The following GJB5 variants were observed in gnomAD, a reference collection of about 807,000 sequenced individuals.
The protein encoded by GJB5 is gap junction beta-5 protein.
For missense variants in GJB5, 333 were observed against 357.9 expected, an observed-to-expected ratio of 0.93 and a Z score of 0.56; for synonymous variants, 146 against 145.5, an observed-to-expected ratio of 1.00 and a Z score of -0.02.
chr1:34,757,187 A>T, intron 1 of GJB5, 120 bp from the exon 2 acceptor site: 1 of 629,990 alleles, frequency 1.6e-6, no homozygotes, highest in East Asian at 2.7e-5. Context: ...AAATGGGGAC[A>T]GTAGTAGAAC....
intron 1 of GJB5, among the ~76,000 whole-genome samples, chr1:34,755,713 T>C (rs1380628458): frequency 6.6e-6 from 1 of 152,160 alleles, no homozygotes. Context: ...AGAATCCGTC[T>C]GCACACAAAC....
At position 34,757,598 on chromosome 1, in the gene GJB5, C is replaced by G. The variant is rs139392376; in HGVS notation, c.268C>G (p.Leu90Val). 3 of 1,614,064 alleles carry G rather than the reference C, an allele frequency of 1.9e-6. No individual in the cohort carries two copies. In the African/African-American group the frequency reaches 4.0e-5, roughly 22 times the overall value. ...TATCCTGGTGACATGCCCCTCACTG[C>G]TCGTGGTCATGCACGTGGCCTACCG... ...QLILVTCPSL[L>V]VVMHVAYREV... Residue 90 changes from leucine to valine, a missense_variant, in exon 2 of 2, where the codon CTC becomes GTC. By Grantham distance (32) the Leu-to-Val change is conservative. Transcript: ENST00000338513.
Position 34,758,070 on chromosome 1 carries a change from A to G in GJB5, c.740A>G (p.Asp247Gly). The change falls in exon 2 of 2, where the codon GAC (aspartate) becomes GGC (glycine). Residue 247 changes from aspartate to glycine, a missense_variant. Coordinates refer to ENST00000338513, the MANE Select transcript of GJB5 (RefSeq NM_005268.4). Reference sequence around the variant, plus strand: ...AAACAAGACGACCTCCTTTCGGGTGACCTCATCTTTCTGGGCTCAGACAGT... The same window carrying G: ...AAACAAGACGACCTCCTTTCGGGTGGCCTCATCTTTCTGGGCTCAGACAGT... Reference protein sequence around the residue: ...SCKQDDLLSGDLIFLGSDSHP... With the variant: ...SCKQDDLLSGGLIFLGSDSHP... 3.1e-6 allele frequency: 5 copies of G among 1,613,604 alleles called. No individual in the cohort carries two copies. The highest frequency in any genetic ancestry group is 4.2e-6 in the Non-Finnish European group (5 of 1,179,878).
chr1:34,758,126 GACCATGTGAAGAAA>G lies in GJB5; in HGVS notation c.802_815del (p.Val268LeufsTer27). 6.2e-7 allele frequency: 1 copy of G among 1,613,938 alleles called. No individual in the cohort carries two copies. The highest frequency in any genetic ancestry group is 8.5e-7 in the Non-Finnish European group (1 of 1,179,910). ...TCCTCTCTTACCAGACCGCCCCCGA[GACCATGTGAAGAAA>G]ACCATCTTGTGAGGGGCTGCCTGGA... is the stretch of plus-strand genomic sequence containing the variant. On this transcript the variant is annotated frameshift_variant, in exon 2 of 2. Coordinates refer to ENST00000338513, the MANE Select transcript of GJB5 (RefSeq NM_005268.4). LOFTEE classifies it high-confidence loss of function.
Position 34,758,028 on chromosome 1 carries a change from G to A in GJB5, c.698G>A (p.Gly233Asp). Residue 233 changes from glycine (G) to aspartate (D), a missense_variant, in exon 2 of 2, where the codon GGT becomes GAT. Gly to Asp is a moderately conservative substitution (Grantham distance 94). Transcript: ENST00000338513. ...QAMCTGHHPH[G>D]TTSSCKQDDL... is the part of the protein sequence containing the mutation. The stretch of plus-strand genomic sequence containing the variant: ...ATGTGCACAGGTCATCACCCCCACG[G>A]TACCACCTCTTCCTGCAAACAAGAC... The A allele has an allele frequency of 6.2e-7, 1 of 1,613,924 alleles. No homozygotes were observed. The highest frequency in any genetic ancestry group is 8.5e-7 in the Non-Finnish European group (1 of 1,179,986).
At position 34,757,747 on chromosome 1, in the gene GJB5, G is replaced by A. The variant is rs536207025; in HGVS notation, c.417G>A (p.Ala139=). The A allele has an allele frequency of 5.0e-5, 81 of 1,613,940 alleles. No homozygotes were observed. The highest frequency in any genetic ancestry group is 3.6e-4 in the South Asian group (33 of 91,080). The part of the protein sequence containing the change: ...WTYVCSLVFK[A]SVDIAFLYVF... ...ATGTCTGCAGCCTAGTGTTCAAGGCGAGCGTGGACATCGCCTTTCTCTATG... is the reference window on the plus strand; with the variant it reads ...ATGTCTGCAGCCTAGTGTTCAAGGCAAGCGTGGACATCGCCTTTCTCTATG... Residue 139 remains alanine (A), a synonymous_variant, in exon 2 of 2, where the codon GCG becomes GCA. Coordinates refer to ENST00000338513, the MANE Select transcript of GJB5 (RefSeq NM_005268.4).
chr1:34,757,324 G>C lies in GJB5; in HGVS notation c.-7G>C, dbSNP rs1557649923. On this transcript the variant is annotated 5_prime_UTR_variant, in exon 2 of 2. Transcript: ENST00000338513. ...CCCTGCAGTAGCAGCTGACGCGTGG[G>C]TCCACCATGAACTGGAGTATCTTTG... is the stretch of plus-strand genomic sequence containing the variant. 6.3e-7 allele frequency: 1 copy of C among 1,596,434 alleles called. No individual in the cohort carries two copies. The highest frequency in any genetic ancestry group is 1.1e-5 in the South Asian group (1 of 90,640).
Position 34,757,657 on chromosome 1 carries a change from T to C in GJB5, c.327T>C (p.His109=), listed in dbSNP as rs1639618276. ...EVQEKRHREA[H]GENSGRLYLN... Reference sequence around the variant, plus strand: ...AGGAGAAGAGGCACCGAGAAGCCCATGGGGAGAACAGTGGGCGCCTCTACC... The same window carrying C: ...AGGAGAAGAGGCACCGAGAAGCCCACGGGGAGAACAGTGGGCGCCTCTACC... Residue 109 remains histidine, a synonymous_variant, in exon 2 of 2, where the codon CAT becomes CAC. Transcript: ENST00000338513. The C allele has an allele frequency of 1.2e-6, 2 of 1,613,520 alleles. No homozygotes were observed. Among genetic ancestry groups the C allele is most frequent in the African/African-American group, 1.3e-5 (1 of 74,834 alleles).
At chr1:34,756,080 A>G (rs1639576792) in intron 1 of GJB5, among the ~76,000 whole-genome samples, 1 of 152,204 alleles carries the variant, frequency 6.6e-6, no homozygotes. Flanking sequence ...GGTGAGCTTC[A>G]GCCTGGACCA....
chr1:34,757,612 C>T lies in GJB5; in HGVS notation c.282C>T (p.His94=), dbSNP rs769280723. 6.2e-6 allele frequency: 10 copies of T among 1,614,004 alleles called. No individual in the cohort carries two copies. The highest frequency in any genetic ancestry group is 2.2e-5 in the East Asian group (1 of 44,886). The part of the protein sequence containing the change: ...VTCPSLLVVM[H]VAYREVQEKR... ...GCCCCTCACTGCTCGTGGTCATGCA[C>T]GTGGCCTACCGGGAGGTTCAGGAGA... The change falls in exon 2 of 2, where the codon CAC becomes CAT. Residue 94 remains histidine, a synonymous_variant. Coordinates refer to ENST00000338513, the MANE Select transcript of GJB5 (RefSeq NM_005268.4).
chr1:34,755,129 A>G lies in GJB5; in HGVS notation c.-91A>G, dbSNP rs2275229. 0.5 allele frequency: 75,657 copies of G among 152,638 alleles called. 20,947 individuals carry two copies. Among genetic ancestry groups the G allele is most frequent in the African/African-American group, 0.76 (31,506 of 41,558 alleles). The allele number at this position is 152,638 out of a possible 1,614,324, so 9.5% of individuals were successfully genotyped here. A position where few individuals can be genotyped will look rare whatever the true frequency, so the allele number is the denominator to read the frequency against. ...TTCCCCGCTTCTGGATATGAAATTCAAGCTGCTTGCTGAGTCCTATTGCCG... is the reference window on the plus strand; with the variant it reads ...TTCCCCGCTTCTGGATATGAAATTCGAGCTGCTTGCTGAGTCCTATTGCCG... On this transcript the variant is annotated 5_prime_UTR_variant, in exon 1 of 2. Transcript: ENST00000338513.
Position 34,757,324 on chromosome 1 carries a change from G to GATAC in GJB5, c.-7_-6insATAC, listed in dbSNP as rs1557649927. 1 of 1,596,434 alleles carries GATAC rather than the reference G, an allele frequency of 6.3e-7. No individual in the cohort carries two copies. Among genetic ancestry groups the GATAC allele is most frequent in the East Asian group, 2.2e-5 (1 of 44,620 alleles). On this transcript the variant is annotated 5_prime_UTR_variant, in exon 2 of 2. Transcript: ENST00000338513. ...CCCTGCAGTAGCAGCTGACGCGTGGGTCCACCATGAACTGGAGTATCTTTG... is the reference window on the plus strand; with the variant it reads ...CCCTGCAGTAGCAGCTGACGCGTGGGATACTCCACCATGAACTGGAGTATCTTTG...
chr1:34,756,496 G>A (rs1290084899), intron 1 of GJB5, among the ~76,000 whole-genome samples: 6 of 152,166 alleles, frequency 3.9e-5, no homozygotes, highest in South Asian at 2.1e-4. Context: ...TTATTAGCAC[G>A]GTTGAGCAAA....
At chr1:34,757,017 C>T (rs187886336) in intron 1 of GJB5, among the ~76,000 whole-genome samples, 13 of 152,262 alleles carry the variant, frequency 8.5e-5, no homozygotes, top group South Asian at 2.1e-4. Flanking sequence ...GCCTCAGGCC[C>T]GGGGAGGAAT....
At position 34,757,645 on chromosome 1, in the gene GJB5, C is replaced by T. The variant is rs1187277506; in HGVS notation, c.315C>T (p.His105=). The T allele has an allele frequency of 1.4e-5, 23 of 1,613,938 alleles. No homozygotes were observed. Among genetic ancestry groups the T allele is most frequent in the Non-Finnish European group, 1.9e-5 (23 of 1,180,026 alleles). The change falls in exon 2 of 2, where the codon CAC becomes CAT. Residue 105 remains histidine, a synonymous_variant. Coordinates refer to ENST00000338513, the MANE Select transcript of GJB5 (RefSeq NM_005268.4). ...ACCGGGAGGTTCAGGAGAAGAGGCA[C>T]CGAGAAGCCCATGGGGAGAACAGTG... is the stretch of plus-strand genomic sequence containing the variant. ...VAYREVQEKR[H]REAHGENSGR...
chr1:34,755,436 C>G (rs746607390), intron 1 of GJB5, among the ~76,000 whole-genome samples: 17 of 152,184 alleles, frequency 1.1e-4, no homozygotes, highest in Admixed American at 9.8e-4. Context: ...AGCCCTGCCC[C>G]ACTCCTCCCC....
At position 34,758,147 on chromosome 1, in the gene GJB5, T is replaced by C; in HGVS notation, c.817T>C (p.Leu273=). ...RPRDHVKKTI[L] ...CCGAGACCATGTGAAGAAAACCATCTTGTGAGGGGCTGCCTGGACTGGTCT... is the reference window on the plus strand; with the variant it reads ...CCGAGACCATGTGAAGAAAACCATCCTGTGAGGGGCTGCCTGGACTGGTCT... Residue 273 remains leucine, a synonymous_variant, in exon 2 of 2, where the codon TTG becomes CTG. Coordinates refer to ENST00000338513, the MANE Select transcript of GJB5 (RefSeq NM_005268.4). 1 of 1,612,702 alleles carries C rather than the reference T, an allele frequency of 6.2e-7. No individual in the cohort carries two copies. Among genetic ancestry groups the C allele is most frequent in the Non-Finnish European group, 8.5e-7 (1 of 1,179,084 alleles).
rs370656156 is a variant in GJB5 at position 34,757,553 on chromosome 1, C to T, written c.223C>T (p.Arg75Cys). Reference sequence around the variant, plus strand: ...TGAGTTCTTCCCTGTGTCCCATGTGCGCCTCTGGGCCCTGCAGCTTATCCT... The same window carrying T: ...TGAGTTCTTCCCTGTGTCCCATGTGTGCCTCTGGGCCCTGCAGCTTATCCT... ...FDEFFPVSHV[R>C]LWALQLILVT... is the part of the protein sequence containing the mutation. The change falls in exon 2 of 2, where the codon CGC becomes TGC. Residue 75 changes from arginine to cysteine, a missense_variant. By Grantham distance (180) the Arg-to-Cys change is radical. Coordinates refer to ENST00000338513, the MANE Select transcript of GJB5 (RefSeq NM_005268.4). The T allele has an allele frequency of 6.1e-5, 98 of 1,614,164 alleles. No individual in the cohort carries two copies. In the East Asian group the frequency reaches 1.5e-3, roughly 24 times the overall value.
rs1639636238 is a variant in GJB5, at chr1:34,758,219, C to T, written c.*67C>T. 2.4e-6 allele frequency: 3 copies of T among 1,230,196 alleles called. No homozygotes were observed. The highest frequency in any genetic ancestry group is 3.0e-5 in the African/African-American group (2 of 66,786). 76.2% of individuals were successfully genotyped at this position (1,230,196 alleles called of 1,614,324 possible). The stretch of plus-strand genomic sequence containing the variant: ...GAGGCTCTAGCATCTCTCATAGGTG[C>T]AACCTGAGAGTGGGGGAGCTAAGCC... On this transcript the variant is annotated 3_prime_UTR_variant, in exon 2 of 2. Transcript: ENST00000338513.
Sources: gnomAD v4.1 joint callset for allele counts (sites outside exome capture counted in the v4.1 genomes callset) on GRCh38, gnomAD v4.1.1 for gene constraint, MANE v1.5 for transcripts, NCBI Gene and HGNC (gene_info 2026-07-23, HGNC 2026-07-21) for gene names.